Variants in NCKAP5 observed in about 807,000 individuals in gnomAD.
NCKAP5 encodes the protein NCK associated protein 5.
Under a neutral mutation model 167.0 loss-of-function variants are expected in NCKAP5, and 92 were observed. That is an observed-to-expected ratio of 0.55 (90% CI 0.47 to 0.66). The LOEUF (loss-of-function observed/expected upper bound fraction) is 0.66. Among genes scored for constraint, NCKAP5 ranks in the 30% least tolerant of loss-of-function variants. The probability of loss-of-function intolerance (pLI) is 0.00; values close to 1 mark genes in which losing one functional copy is unlikely to be tolerated. For synonymous variants in NCKAP5, 891 were observed against 877.4 expected, an observed-to-expected ratio of 1.02 and a Z score of -0.27; for missense variants, 2,378 against 2,315.0, an observed-to-expected ratio of 1.03 and a Z score of -0.56.
At chr2:133,415,229 C>G (rs1390843227) in intron 3 of NCKAP5, among the ~76,000 whole-genome samples, 1 of 152,214 alleles carries the variant, frequency 6.6e-6, no homozygotes, top group Non-Finnish European at 1.5e-5. Flanking sequence ...AAATTCCTTG[C>G]AAAATGCCTG....
chr2:133,566,602 C>T (rs148298094), intron 1 of NCKAP5, among the ~76,000 whole-genome samples: 5 of 152,264 alleles, frequency 3.3e-5, no homozygotes, highest in Non-Finnish European at 5.9e-5. Context: ...ATAGGAACCG[C>T]GTGTGGGTCC....
intron 3 of NCKAP5, among the ~76,000 whole-genome samples, chr2:133,338,918 G>A (rs1463563260): frequency 2.6e-5 from 4 of 152,184 alleles, no homozygotes; most frequent in Non-Finnish European, 5.9e-5. Context: ...TACTCGGGAG[G>A]CTGAGGCAGG....
intron 5 of NCKAP5, among the ~76,000 whole-genome samples, chr2:133,201,340 A>T (rs894557952): frequency 2.6e-5 from 4 of 152,202 alleles, no homozygotes; most frequent in African/African-American, 9.6e-5. Context: ...CTAGACACAG[A>T]TAATAGAAAT....
intron 5 of NCKAP5, among the ~76,000 whole-genome samples, chr2:133,158,043 A>C (rs1452674757): frequency 6.6e-6 from 1 of 152,224 alleles, no homozygotes; most frequent in Non-Finnish European, 1.5e-5. Context: ...TAAAGGGTAG[A>C]TGTGCTTCTA....
chr2:133,271,390 A>T (rs1239850278), intron 4 of NCKAP5, among the ~76,000 whole-genome samples: 1 of 152,206 alleles, frequency 6.6e-6, no homozygotes, highest in Non-Finnish European at 1.5e-5. Context: ...GCTGTATTAG[A>T]CAAGGGAGAA....
At chr2:132,997,187 A>C (rs2077628752) in intron 6 of NCKAP5, among the ~76,000 whole-genome samples, 1 of 152,222 alleles carries the variant, frequency 6.6e-6, no homozygotes, top group Admixed American at 6.5e-5. Flanking sequence ...ACTACTCAGC[A>C]GCAGAGTGAG....
At chr2:133,253,955 G>A (rs2150347342) in intron 4 of NCKAP5, among the ~76,000 whole-genome samples, 1 of 152,204 alleles carries the variant, frequency 6.6e-6, no homozygotes, top group African/African-American at 2.4e-5. Flanking sequence ...GTCAACTCCA[G>A]GAGTAACAAA....
chr2:133,182,763 A>G (rs1009891361), intron 5 of NCKAP5, among the ~76,000 whole-genome samples: 4 of 152,176 alleles, frequency 2.6e-5, no homozygotes, highest in African/African-American at 9.6e-5. Context: ...AATAAATATA[A>G]GAGCAGAAAT....
At chr2:133,388,812 C>A (rs564726057) in intron 3 of NCKAP5, among the ~76,000 whole-genome samples, 1 of 152,210 alleles carries the variant, frequency 6.6e-6, no homozygotes, top group African/African-American at 2.4e-5. Context: ...AGCAAGGCTG[C>A]GTGGGCGTGG....
intron 2 of NCKAP5, among the ~76,000 whole-genome samples, chr2:133,537,603 C>T (rs1440839535): frequency 6.6e-6 from 1 of 152,036 alleles, no homozygotes; most frequent in African/African-American, 2.4e-5. Flanking sequence ...TTGTTTATTG[C>T]ATTGTATCTC....
chr2:133,493,726 T>C (rs1681678653), intron 3 of NCKAP5, among the ~76,000 whole-genome samples: 1 of 152,230 alleles, frequency 6.6e-6, no homozygotes, highest in Admixed American at 6.6e-5. Flanking sequence ...ACTAGTTAGT[T>C]TATAAAGCTA....
At chr2:133,555,335 G>C (rs1165275492) in intron 2 of NCKAP5, among the ~76,000 whole-genome samples, 1 of 152,102 alleles carries the variant, frequency 6.6e-6, no homozygotes, top group African/African-American at 2.4e-5. Context: ...CTTAAGTCTG[G>C]TCTTCTACAA....
At chr2:133,453,171 A>C (rs760420094) in intron 3 of NCKAP5, among the ~76,000 whole-genome samples, 10 of 152,158 alleles carry the variant, frequency 6.6e-5, no homozygotes, top group Non-Finnish European at 1.5e-4. Flanking sequence ...AAATTAAACA[A>C]TGTCTGATAA....
intron 5 of NCKAP5, among the ~76,000 whole-genome samples, chr2:133,210,428 A>G (rs1439148648): frequency 2.0e-5 from 3 of 152,006 alleles, no homozygotes; most frequent in African/African-American, 7.2e-5. Flanking sequence ...TTTCTTCTAT[A>G]CCATTTTTCC....
At chr2:132,790,282 A>T (rs1683955418) in intron 12 of NCKAP5, 77 bp from the exon 13 acceptor site, 1 of 1,302,948 alleles carries the variant, frequency 7.7e-7, no homozygotes, top group Non-Finnish European at 1.1e-6. Flanking sequence ...ATGGTGAGGT[A>T]GATGGGAATA....
chr2:133,377,447 T>A (rs954064212), intron 3 of NCKAP5, among the ~76,000 whole-genome samples: 1 of 152,120 alleles, frequency 6.6e-6, no homozygotes, highest in Non-Finnish European at 1.5e-5. Context: ...CAACCACACT[T>A]CCTAAACCTC....
Position 132,673,287 on chromosome 2 carries a change from C to T in NCKAP5, c.*2G>A. 2.0e-6 allele frequency: 3 copies of T among 1,505,182 alleles called. No individual in the cohort carries two copies. The highest frequency in any genetic ancestry group is 2.5e-5 in the East Asian group (1 of 40,036). 93.2% of individuals were successfully genotyped at this position (1,505,182 alleles called of 1,614,324 possible). On this transcript the variant is annotated 3_prime_UTR_variant, in exon 20 of 20. Coordinates refer to ENST00000409261, the MANE Select transcript of NCKAP5 (RefSeq NM_207363.3). ...CTATTCTCGGGATCGTCTTTTGTTT[C>T]TTCAAGTTGTCTCAATTTCTGCAAT...
At chr2:133,452,309 C>T (rs1429855839) in intron 3 of NCKAP5, among the ~76,000 whole-genome samples, 2 of 152,080 alleles carry the variant, frequency 1.3e-5, no homozygotes, top group South Asian at 2.1e-4. Flanking sequence ...AGGAGAGGCT[C>T]CTTGCTTGGG....
At chr2:132,891,886 TG>T (rs550270800) in intron 8 of NCKAP5, among the ~76,000 whole-genome samples, 25 of 152,322 alleles carry the variant, frequency 1.6e-4, no homozygotes, top group African/African-American at 6.0e-4. Flanking sequence ...TCCTTTTATT[TG>T]AAATGGATGT....
Sources: gnomAD v4.1 joint callset for allele counts (sites outside exome capture counted in the v4.1 genomes callset) on GRCh38, gnomAD v4.1.1 for gene constraint, MANE v1.5 for transcripts, NCBI Gene and HGNC (gene_info 2026-07-23, HGNC 2026-07-21) for gene names.